TMEM74: variants seen among roughly 807,000 people sequenced by gnomAD.
TMEM74 encodes the protein transmembrane protein 74.
A neutral mutation model predicts 18.1 loss-of-function variants in TMEM74; 13 were observed. The ratio of observed to expected loss-of-function variants is 0.72; its 90% CI spans 0.47 to 1.14. TMEM74 has a LOEUF of 1.14. Ranked by LOEUF, TMEM74 falls within the 50% of genes most tolerant of loss-of-function variation. TMEM74 has a pLI of 0.00. For missense variants in TMEM74, 372 were observed against 375.9 expected (o/e 0.99, Z 0.09); for synonymous variants, 159 against 146.6 (o/e 1.08, Z -0.61).
intron 1 of TMEM74, among the ~76,000 whole-genome samples, chr8:108,748,441 C>T (rs950768940): frequency 6.6e-6 from 1 of 151,578 alleles, no homozygotes; most frequent in African/African-American, 2.4e-5. Context: ...AATTTGTTTA[C>T]ATTCCTGGTA....
intron 1 of TMEM74, among the ~76,000 whole-genome samples, chr8:108,737,285 G>C (rs1044986410): frequency 1.3e-5 from 2 of 152,138 alleles, no homozygotes; most frequent in African/African-American, 4.8e-5. Flanking sequence ...TGTATAAAGT[G>C]CATGGGATGA....
intron 1 of TMEM74, 57 bp from the exon 2 acceptor site, chr8:108,785,194 A>C: frequency 7.4e-7 from 1 of 1,360,512 alleles, no homozygotes; most frequent in Non-Finnish European, 9.8e-7. Context: ...TTGTACTTCC[A>C]GGAGTGTTGC....
At chr8:108,725,604 C>G (rs10112100) in intron 1 of TMEM74, among the ~76,000 whole-genome samples, 1 of 152,020 alleles carries the variant, frequency 6.6e-6, no homozygotes, top group African/African-American at 2.4e-5. Context: ...AAATACTCAG[C>G]TATCCTAAGA....
At chr8:108,751,030 G>C (rs534821211) in intron 1 of TMEM74, among the ~76,000 whole-genome samples, 1 of 152,050 alleles carries the variant, frequency 6.6e-6, no homozygotes, top group African/African-American at 2.4e-5. Context: ...GATTGCTACC[G>C]ACCCGTATGG....
chr8:108,684,825 A>T (rs7008020), intron 1 of TMEM74, among the ~76,000 whole-genome samples: 4,470 of 151,542 alleles, frequency 0.029, 122 homozygotes, highest in African/African-American at 0.066. Flanking sequence ...CCATGCTGTT[A>T]TGGTTACTAC....
intron 1 of TMEM74, among the ~76,000 whole-genome samples, chr8:108,670,977 C>G (rs1020091188): frequency 1.3e-5 from 2 of 152,092 alleles, no homozygotes; most frequent in African/African-American, 2.4e-5. Flanking sequence ...TTGAGAATAT[C>G]ATACCTATGC....
intron 1 of TMEM74, among the ~76,000 whole-genome samples, chr8:108,719,004 A>T (rs201498392): frequency 7.0e-6 from 1 of 143,324 alleles, no homozygotes; most frequent in African/African-American, 2.5e-5. Context: ...GTATATATAC[A>T]CATATATATA....
At chr8:108,721,826 A>G (rs1813589600) in intron 1 of TMEM74, among the ~76,000 whole-genome samples, 1 of 152,184 alleles carries the variant, frequency 6.6e-6, no homozygotes, top group Non-Finnish European at 1.5e-5. Context: ...TCCCTGATCC[A>G]CAAAGAACCA....
At chr8:108,755,294 T>C (rs900698829) in intron 1 of TMEM74, among the ~76,000 whole-genome samples, 3 of 152,072 alleles carry the variant, frequency 2.0e-5, no homozygotes, top group African/African-American at 7.2e-5. Context: ...GATACCTTGA[T>C]TGCAGCCTCT....
chr8:108,688,227 T>C (rs1303395572), intron 1 of TMEM74, among the ~76,000 whole-genome samples: 1 of 152,216 alleles, frequency 6.6e-6, no homozygotes, highest in Non-Finnish European at 1.5e-5. Flanking sequence ...ATTTCTGAAG[T>C]CAATTTGACA....
rs1475785042 is a variant in TMEM74, at chr8:108,780,050, C to T, written c.*4131G>A. On this transcript the variant is annotated 3_prime_UTR_variant, in exon 2 of 2. Transcript: ENST00000297459. ...TTTAGACTAGGAAAAGCCAGTAAGA[C>T]TTCATTATAATCTTCTCATCGTAGT... 6.6e-6 allele frequency among the ~76,000 whole-genome samples: 1 copy of T among 152,146 alleles called. No individual in the cohort carries two copies. Among genetic ancestry groups the T allele is most frequent in the Admixed American group, 6.5e-5 (1 of 15,280 alleles).
At chr8:108,740,588 C>T (rs1043133635) in intron 1 of TMEM74, among the ~76,000 whole-genome samples, 2 of 152,100 alleles carry the variant, frequency 1.3e-5, no homozygotes, top group Non-Finnish European at 2.9e-5. Context: ...CTGTTGGTGC[C>T]ATTTTTCCAC....
chr8:108,608,575 G>A (rs1586231988), intron 3 of TMEM74, among the ~76,000 whole-genome samples: 2 of 152,132 alleles, frequency 1.3e-5, no homozygotes, highest in South Asian at 2.1e-4. Context: ...TGCTCCTGCT[G>A]GTAAACTAAT....
chr8:108,703,161 T>G (rs1318304579), intron 1 of TMEM74, among the ~76,000 whole-genome samples: 4 of 152,160 alleles, frequency 2.6e-5, no homozygotes, highest in African/African-American at 9.7e-5. Context: ...TGCTCAGTTT[T>G]GGAACAAAGC....
intron 2 of TMEM74, among the ~76,000 whole-genome samples, chr8:108,612,144 C>A (rs536782179): frequency 1.3e-5 from 2 of 152,134 alleles, no homozygotes; most frequent in African/African-American, 4.8e-5. Flanking sequence ...ATGGGAGCTA[C>A]AATTCAAGAT....
rs1402064931 is a variant in TMEM74 at position 108,785,206 on chromosome 8, C to A, written c.-39-69G>T. On this transcript the variant is annotated intron_variant, in intron 1 of 1. Transcript: ENST00000297459. Reference sequence around the variant, plus strand: ...AGGTTGTACTTCCAGGAGTGTTGCTCCTGGGGTCCCCATTTCCTTCACAGC... The same window carrying A: ...AGGTTGTACTTCCAGGAGTGTTGCTACTGGGGTCCCCATTTCCTTCACAGC... 5.7e-6 allele frequency: 7 copies of A among 1,228,242 alleles called. No individual in the cohort carries two copies. The East Asian group carries it at 1.8e-4, about 31-fold the overall frequency. The allele number at this position is 1,228,242 out of a possible 1,614,324, so 76.1% of individuals were successfully genotyped here.
chr8:108,697,378 G>A (rs929810171), intron 1 of TMEM74, among the ~76,000 whole-genome samples: 3 of 152,036 alleles, frequency 2.0e-5, no homozygotes, highest in Non-Finnish European at 4.4e-5. Context: ...CAGGCAAATG[G>A]GTTCTGATAT....
At chr8:108,697,515 C>T (rs1377979741) in intron 1 of TMEM74, among the ~76,000 whole-genome samples, 1 of 152,128 alleles carries the variant, frequency 6.6e-6, no homozygotes, top group Admixed American at 6.5e-5. Context: ...CTCCTGGGCT[C>T]AAGCAACCCT....
Position 108,720,832 on chromosome 8 carries a change from G to T in TMEM74, n.120-65395C>A, listed in dbSNP as rs1307484034. On this transcript the variant is annotated intron_variant and non_coding_transcript_variant, in intron 1 of 3. Transcript: ENST00000518838. ...CGCCCAGGCTGGAGTGCAATGACAC[G>T]ATCTCTGCTCACTGCAACCTCTGCC... Among the ~76,000 whole-genome samples, 12 of 151,990 alleles carry T rather than the reference G, an allele frequency of 7.9e-5. No individual in the cohort carries two copies. In the East Asian group the frequency reaches 2.3e-3, roughly 29 times the overall value.
Sources: gnomAD v4.1 joint callset for allele counts (sites outside exome capture counted in the v4.1 genomes callset) on GRCh38, gnomAD v4.1.1 for gene constraint, MANE v1.5 for transcripts, NCBI Gene and HGNC (gene_info 2026-07-23, HGNC 2026-07-21) for gene names.